LY86: variants seen among roughly 807,000 people sequenced by gnomAD.
LY86 encodes the protein lymphocyte antigen 86.
LY86 carries 20 observed loss-of-function variants against 17.3 expected under a neutral mutation model. That is an observed-to-expected ratio of 1.15 (90% CI 0.81 to 1.68). The LOEUF is 1.68. LY86 is among the 40% of genes most tolerant of loss of function. The pLI is 0.00. For synonymous variants in LY86, 74 were observed against 70.6 expected, an observed-to-expected ratio of 1.05 and a Z score of -0.24; for missense variants, 200 against 191.9, an observed-to-expected ratio of 1.04 and a Z score of -0.25.
chr6:6,605,832 C>G lies in LY86; in HGVS notation c.136+16962C>G, dbSNP rs555118374. Among the ~76,000 whole-genome samples the G allele has an allele frequency of 1.7e-3, 263 of 152,136 alleles. 1 individual carries two copies. The highest frequency in any genetic ancestry group is 6.1e-3 in the African/African-American group (253 of 41,472). ...TCGTGGTCTCGCTGGCTGACTTTCC[C>G]GGTGAATGTTACAGCTCTTAAGGGG... On this transcript the variant is annotated intron_variant, in intron 1 of 4. Transcript: ENST00000230568.
intron 1 of LY86, among the ~76,000 whole-genome samples, chr6:6,612,068 A>T (rs914249542): frequency 6.6e-6 from 1 of 152,212 alleles, no homozygotes; most frequent in African/African-American, 2.4e-5. Flanking sequence ...TAAAAAGCCA[A>T]TGTATTAGCA....
chr6:6,647,968 TAC>T (rs57233850), intron 3 of LY86, among the ~76,000 whole-genome samples: 13,160 of 144,394 alleles, frequency 0.091, 565 homozygotes, highest in Non-Finnish European at 0.1. Flanking sequence ...AATCATCACA[TAC>T]ACACACACAC....
chr6:6,605,735 T>G (rs1761102680), intron 1 of LY86, among the ~76,000 whole-genome samples: 1 of 152,246 alleles, frequency 6.6e-6, no homozygotes. Context: ...TTACAGTTCT[T>G]AAAAGGCAGT....
chr6:6,611,828 G>A (rs1451173065), intron 1 of LY86, among the ~76,000 whole-genome samples: 2 of 152,154 alleles, frequency 1.3e-5, no homozygotes, highest in South Asian at 2.1e-4. Context: ...TAAAATAGCA[G>A]GGCTTTTGTC....
intron 1 of LY86, among the ~76,000 whole-genome samples, chr6:6,589,553 T>C (rs1212830186): frequency 6.6e-6 from 1 of 152,222 alleles, no homozygotes; most frequent in East Asian, 1.9e-4. Context: ...AACCAACCAA[T>C]CGGGCTGTGT....
intron 1 of LY86, among the ~76,000 whole-genome samples, chr6:6,623,455 C>T (rs762930811): frequency 5.9e-5 from 9 of 152,210 alleles, no homozygotes; most frequent in Non-Finnish European, 5.9e-5. Context: ...CCAGCAAGTA[C>T]TCACGAAGGA....
intron 1 of LY86, among the ~76,000 whole-genome samples, chr6:6,604,788 A>G (rs541023457): frequency 1.3e-5 from 2 of 152,248 alleles, no homozygotes; most frequent in South Asian, 2.1e-4. Flanking sequence ...AGATTCGTAA[A>G]AGAAATTTCA....
chr6:6,603,611 A>ACAAC (rs1760989846), intron 1 of LY86, among the ~76,000 whole-genome samples: 2 of 123,566 alleles, frequency 1.6e-5, no homozygotes, highest in African/African-American at 2.9e-5. Context: ...AACAGAAAAA[A>ACAAC]AAACAAACAA....
At chr6:6,627,551 C>T (rs1054645967) in intron 3 of LY86, among the ~76,000 whole-genome samples, 1 of 152,168 alleles carries the variant, frequency 6.6e-6, no homozygotes, top group Non-Finnish European at 1.5e-5. Context: ...TGGTTTACTG[C>T]CGTGTATCTT....
chr6:6,652,750 C>T (rs1214425521), intron 4 of LY86, among the ~76,000 whole-genome samples: 2 of 152,204 alleles, frequency 1.3e-5, no homozygotes, highest in Admixed American at 1.3e-4. Context: ...GCACACACCT[C>T]CATCTGCCTC....
intron 1 of LY86, among the ~76,000 whole-genome samples, chr6:6,593,193 CCT>C (rs1491197899): frequency 6.6e-6 from 1 of 152,238 alleles, no homozygotes; most frequent in Non-Finnish European, 1.5e-5. Context: ...GGGGAGAATC[CCT>C]TTCTTTTCTT....
intron 3 of LY86, among the ~76,000 whole-genome samples, chr6:6,640,365 C>T (rs1157470908): frequency 5.3e-5 from 8 of 151,506 alleles, no homozygotes; most frequent in Non-Finnish European, 1.5e-5. Flanking sequence ...CCAGACCAGC[C>T]TGGGCAACAT....
At chr6:6,628,261 TC>T (rs1761834698) in intron 3 of LY86, among the ~76,000 whole-genome samples, 1 of 22,900 alleles carries the variant, frequency 4.4e-5, no homozygotes. Flanking sequence ...CCTCCCTCCC[TC>T]CCCTTCCTCC....
intron 3 of LY86, among the ~76,000 whole-genome samples, chr6:6,647,770 C>T (rs1206372258): frequency 6.6e-6 from 1 of 152,178 alleles, no homozygotes; most frequent in Non-Finnish European, 1.5e-5. Context: ...CTGTCCTCTC[C>T]TCTGTTGATT....
chr6:6,594,113 T>A lies in LY86; in HGVS notation c.136+5243T>A, dbSNP rs191315674. On this transcript the variant is annotated intron_variant, in intron 1 of 4. Coordinates refer to ENST00000230568, the MANE Select transcript of LY86 (RefSeq NM_004271.4). ...CGTTATAATTTCACATGCTTTGACA[T>A]CAACCAGGCAGAGGAGGACCTGTGA... Among the ~76,000 whole-genome samples, 260 of 152,374 alleles carry A rather than the reference T, an allele frequency of 1.7e-3. 1 individual carries two copies. The highest frequency in any genetic ancestry group is 5.5e-3 in the African/African-American group (230 of 41,582).
At chr6:6,607,351 A>G (rs1761204473) in intron 1 of LY86, among the ~76,000 whole-genome samples, 1 of 152,250 alleles carries the variant, frequency 6.6e-6, no homozygotes, top group Non-Finnish European at 1.5e-5. Flanking sequence ...ATATATACAT[A>G]CTTATATACC....
chr6:6,603,301 G>A (rs1760971983), intron 1 of LY86, among the ~76,000 whole-genome samples: 3 of 151,948 alleles, frequency 2.0e-5, no homozygotes, highest in Admixed American at 2.0e-4. Context: ...TTGTGCACTC[G>A]CATCTCTAGC....
chr6:6,607,084 C>T (rs970562016), intron 1 of LY86, among the ~76,000 whole-genome samples: 1 of 152,262 alleles, frequency 6.6e-6, no homozygotes, highest in Non-Finnish European at 1.5e-5. Context: ...ATGTTGGAGG[C>T]TGCCTAGTGC....
At chr6:6,612,469 C>G (rs888193382) in intron 1 of LY86, among the ~76,000 whole-genome samples, 1 of 152,148 alleles carries the variant, frequency 6.6e-6, no homozygotes, top group Non-Finnish European at 1.5e-5. Flanking sequence ...TTCATAAAAG[C>G]AATGCAGACC....
Sources: gnomAD v4.1 joint callset for allele counts (sites outside exome capture counted in the v4.1 genomes callset) on GRCh38, gnomAD v4.1.1 for gene constraint, MANE v1.5 for transcripts, NCBI Gene and HGNC (gene_info 2026-07-23, HGNC 2026-07-21) for gene names.